TMEM164: variants seen among roughly 807,000 people sequenced by gnomAD.
TMEM164 encodes RP13-360B22.2.
Under a neutral mutation model 18.8 loss-of-function variants are expected in TMEM164, and 4 were observed. The ratio of observed to expected loss-of-function variants is 0.21; its 90% confidence interval spans 0.10 to 0.49. TMEM164 has a LOEUF of 0.49. Ranked by LOEUF, TMEM164 falls within the 20% of genes least tolerant of loss-of-function variation. TMEM164 has a pLI of 0.98. For synonymous variants in TMEM164, 86 were observed against 101.7 expected, an observed-to-expected ratio of 0.85 and a Z score of 0.93; for missense variants, 108 against 239.9, an observed-to-expected ratio of 0.45 and a Z score of 3.63.
intron 3 of TMEM164, among the ~76,000 whole-genome samples, chrX:110,099,309 G>A (rs1166949577): frequency 9.2e-6 from 1 of 108,711 alleles, no homozygotes; most frequent in Non-Finnish European, 1.9e-5. Context: ...TATGTATTGT[G>A]TTTTTGGTGT....
intron 3 of TMEM164, among the ~76,000 whole-genome samples, chrX:110,084,424 T>G (rs2065816322): frequency 1.1e-5 from 1 of 94,208 alleles, no homozygotes; most frequent in Non-Finnish European, 2.1e-5. Context: ...TATATATATA[T>G]AGTATAGTAT....
intron 4 of TMEM164, among the ~76,000 whole-genome samples, chrX:110,121,976 A>G (rs2066455956): frequency 8.9e-6 from 1 of 112,056 alleles, no homozygotes; most frequent in African/African-American, 3.2e-5. Flanking sequence ...TGTACTTACC[A>G]GTTGAGCATC....
intron 5 of TMEM164, among the ~76,000 whole-genome samples, chrX:110,165,122 G>A (rs1236174894): frequency 8.9e-6 from 1 of 112,683 alleles, no homozygotes; most frequent in African/African-American, 3.2e-5. Flanking sequence ...ACTAGTGATC[G>A]GCATGTTGCC....
chrX:110,165,684 A>G (rs2067150496), intron 5 of TMEM164, among the ~76,000 whole-genome samples: 1 of 112,153 alleles, frequency 8.9e-6, no homozygotes, highest in Non-Finnish European at 1.9e-5. Context: ...ATAACAGCCT[A>G]TTGGAGACAT....
In TMEM164 at chrX:110,109,071, C is replaced by T. The variant is rs73636944; in HGVS notation, c.441-9C>T. 17,500 of 1,206,587 alleles carry T rather than the reference C, an allele frequency of 0.015. 935 individuals carry two copies. In the African/African-American group the frequency reaches 0.19, roughly 13 times the overall value. On this transcript the variant is annotated splice_polypyrimidine_tract_variant and intron_variant, in intron 3 of 6. Transcript: ENST00000372068. Reference sequence around the variant, plus strand: ...GTATGACCTGAACTTTATCTTTCTCCCCCTCTAGGCTACAGATGCACATGT... The same window carrying T: ...GTATGACCTGAACTTTATCTTTCTCTCCCTCTAGGCTACAGATGCACATGT...
chrX:110,047,164 C>T (rs762313292), intron 2 of TMEM164, among the ~76,000 whole-genome samples: 2 of 111,887 alleles, frequency 1.8e-5, no homozygotes, highest in Non-Finnish European at 3.8e-5. Context: ...ATTTGTAGAG[C>T]AAGTGAGTGG....
intron 2 of TMEM164, chrX:110,020,710 C>T (rs968538737): frequency 1.3e-6 from 1 of 747,122 alleles, no homozygotes; most frequent in African/African-American, 2.3e-5. Flanking sequence ...GCCAGCCACC[C>T]CACCCACTTT....
At chrX:110,044,593 CTTTTTTTTTTTTTTT>C (rs56400284) in intron 2 of TMEM164, among the ~76,000 whole-genome samples, 1 of 35,956 alleles carries the variant, frequency 2.8e-5, no homozygotes, top group Non-Finnish European at 4.4e-5. Flanking sequence ...CCATTCCTTG[CTTTTTTTTTTTTTTT>C]TTTTTTTTTT....
rs1214676590 is a variant in TMEM164, at chrX:110,173,328, G to A, written c.771G>A (p.Ser257=). ...FYGPWYRIWA[S]GHQTLMTMTH... ...GCCCCTGGTATCGCATCTGGGCCTCGGGACACCAGACTCTCATGACCATGA... is the reference window on the plus strand; with the variant it reads ...GCCCCTGGTATCGCATCTGGGCCTCAGGACACCAGACTCTCATGACCATGA... The change falls in exon 7 of 7, where the codon TCG becomes TCA. Residue 257 remains serine, a synonymous_variant. Coordinates refer to ENST00000372068, the MANE Select transcript of TMEM164 (RefSeq NM_032227.4). The A allele has an allele frequency of 9.1e-6, 11 of 1,209,506 alleles. No individual in the cohort carries two copies. The highest frequency in any genetic ancestry group is 1.8e-5 in the South Asian group (1 of 56,736).
intron 3 of TMEM164, among the ~76,000 whole-genome samples, chrX:110,070,656 G>A (rs1335386772): frequency 9.1e-6 from 1 of 110,238 alleles, no homozygotes; most frequent in African/African-American, 3.3e-5. Context: ...ATGCTAAGGT[G>A]GGCATACTGC....
At chrX:110,047,936 T>G (rs1362386603) in intron 2 of TMEM164, among the ~76,000 whole-genome samples, 1 of 111,793 alleles carries the variant, frequency 8.9e-6, no homozygotes, top group Non-Finnish European at 1.9e-5. Context: ...CCTGTGATCC[T>G]AGGCATACAT....
At chrX:110,080,646 C>T (rs766737580) in intron 3 of TMEM164, among the ~76,000 whole-genome samples, 171 of 112,098 alleles carry the variant, frequency 1.5e-3, no homozygotes, top group African/African-American at 5.2e-3. Flanking sequence ...CCTTATATTA[C>T]CTTTGAGGCT....
downstream of TMEM164, chrX:110,182,490 A>G (rs907130042): frequency 6.3e-5 from 7 of 111,593 alleles, no homozygotes; most frequent in South Asian, 7.6e-4. Flanking sequence ...GCCAGCCCCA[A>G]TAGCTCTGGT....
chrX:110,133,711 G>C (rs1436218110), intron 4 of TMEM164, among the ~76,000 whole-genome samples: 1 of 111,564 alleles, frequency 9.0e-6, no homozygotes, highest in Non-Finnish European at 1.9e-5. Context: ...AGCAGACTTA[G>C]TTATGATATA....
intron 5 of TMEM164, among the ~76,000 whole-genome samples, chrX:110,160,850 C>G (rs1349190564): frequency 8.9e-6 from 1 of 112,109 alleles, no homozygotes; most frequent in Non-Finnish European, 1.9e-5. Context: ...AAGGGATTCT[C>G]ATGCCTCAGC....
chrX:110,132,196 G>A (rs1174731923), intron 4 of TMEM164, among the ~76,000 whole-genome samples: 1 of 111,944 alleles, frequency 8.9e-6, no homozygotes, highest in Non-Finnish European at 1.9e-5. Context: ...CACATAATTG[G>A]AGTAATCATA....
chrX:110,067,151 T>TGC (rs200386068), intron 2 of TMEM164, among the ~76,000 whole-genome samples, 196 bp from the exon 3 acceptor site: 975 of 85,567 alleles, frequency 0.011, 3 homozygotes, highest in Non-Finnish European at 0.013. Flanking sequence ...TTCTCATGTG[T>TGC]GCGCACACAC....
At chrX:110,058,609 C>CTTTTT (rs34108969) in intron 2 of TMEM164, among the ~76,000 whole-genome samples, 2 of 81,225 alleles carry the variant, frequency 2.5e-5, no homozygotes, top group Non-Finnish European at 4.6e-5. Flanking sequence ...CCCTTTCTTT[C>CTTTTT]TTTTTTTTTT....
intron 5 of TMEM164, among the ~76,000 whole-genome samples, chrX:110,147,988 C>G (rs2066882431): frequency 2.7e-5 from 3 of 110,703 alleles, no homozygotes; most frequent in African/African-American, 9.9e-5. Context: ...TCCCTTGTCC[C>G]TTCCAACTGG....
Sources: allele counts gnomAD v4.1 joint callset (sites outside exome capture counted in the v4.1 genomes callset), GRCh38; gene constraint gnomAD v4.1.1; transcripts MANE v1.5; gene names NCBI Gene and HGNC (gene_info 2026-07-23, HGNC 2026-07-21).